DCDC1: variants seen among roughly 807,000 people sequenced by gnomAD.
The protein encoded by DCDC1 is doublecortin domain-containing protein 1.
DCDC1 carries 200 observed loss-of-function variants against 178.3 expected under a neutral mutation model. The observed-to-expected ratio is 1.12, with a 90% CI of 1.00 to 1.26. The LOEUF (loss-of-function observed/expected upper bound fraction) is 1.26. Ranked by LOEUF, DCDC1 falls within the 50% of genes most tolerant of loss-of-function variation. The pLI is 0.00. For missense variants in DCDC1, 1,983 were observed against 1,749.2 expected (o/e 1.13, Z -2.38); for synonymous variants, 690 against 604.8 (o/e 1.14, Z -2.07).
chr11:30,934,971 T>C (rs912029128), intron 21 of DCDC1, among the ~76,000 whole-genome samples: 2 of 152,156 alleles, frequency 1.3e-5, no homozygotes, highest in East Asian at 3.8e-4. Context: ...AAATGGGAGG[T>C]TGAGTTCTTG....
chr11:31,146,385 C>A (rs1482133749), intron 9 of DCDC1, among the ~76,000 whole-genome samples: 1 of 152,084 alleles, frequency 6.6e-6, no homozygotes, highest in Non-Finnish European at 1.5e-5. Context: ...CATGCCCAGC[C>A]CTAGTCATTT....
intron 9 of DCDC1, among the ~76,000 whole-genome samples, chr11:31,209,764 G>A (rs1312276316): frequency 6.6e-6 from 1 of 152,094 alleles, no homozygotes; most frequent in Admixed American, 6.6e-5. Flanking sequence ...CCAACAGAGA[G>A]GAATGCTGGA....
intron 9 of DCDC1, among the ~76,000 whole-genome samples, chr11:31,189,840 T>G (rs1969936516): frequency 6.6e-6 from 1 of 152,212 alleles, no homozygotes; most frequent in African/African-American, 2.4e-5. Flanking sequence ...GACCCTTAAC[T>G]TCATTGCATC....
At chr11:31,211,443 C>T (rs1318812494) in intron 9 of DCDC1, among the ~76,000 whole-genome samples, 6 of 152,178 alleles carry the variant, frequency 3.9e-5, no homozygotes, top group Non-Finnish European at 7.3e-5. Context: ...ATTATTTGCA[C>T]TATCGCCCCA....
chr11:31,354,814 T>C (rs1951248592), intron 1 of DCDC1, among the ~76,000 whole-genome samples: 1 of 152,212 alleles, frequency 6.6e-6, no homozygotes, highest in East Asian at 1.9e-4. Context: ...GTCAGTCTTT[T>C]TACTGATGAC....
intron 28 of DCDC1, 90 bp from the exon 29 acceptor site, chr11:30,909,206 A>G (rs2134163327): frequency 1.8e-6 from 2 of 1,086,842 alleles, no homozygotes; most frequent in East Asian, 5.2e-5. Context: ...GAAAGTGCAG[A>G]TAATTACTCA....
At chr11:30,917,360 A>T (rs1590354495) in intron 25 of DCDC1, among the ~76,000 whole-genome samples, 1 of 152,320 alleles carries the variant, frequency 6.6e-6, no homozygotes, top group East Asian at 1.9e-4. Flanking sequence ...ATGAACATGT[A>T]ATGAGACTCC....
rs938003893 is a variant in DCDC1 at position 31,109,284 on chromosome 11, AT to A, written c.1587+975del. On this transcript the variant is annotated intron_variant, in intron 12 of 38. Coordinates refer to ENST00000684477, the MANE Select transcript of DCDC1 (RefSeq NM_001387274.1). ...AGGCACATGCCACCATGCCAGGCTA[AT>A]TTTTTTTATTTTTTGTAGAGACAGG... Among the ~76,000 whole-genome samples, 9 of 151,728 alleles carry A rather than the reference AT, an allele frequency of 5.9e-5. No individual in the cohort carries two copies. In the South Asian group the frequency reaches 1.7e-3, roughly 28 times the overall value.
At chr11:30,881,056 T>A in intron 37 of DCDC1, 102 bp downstream of exon 37, 3 of 1,320,854 alleles carry the variant, frequency 2.3e-6, no homozygotes, top group Non-Finnish European at 3.1e-6. Context: ...TGGGAGGGGA[T>A]AATTATTAAA....
At chr11:31,212,034 G>T (rs59484750) in intron 9 of DCDC1, among the ~76,000 whole-genome samples, 3,070 of 147,702 alleles carry the variant, frequency 0.021, 91 homozygotes, top group African/African-American at 0.072. Context: ...AGTGAGCCAA[G>T]ATCGCGCCAC....
At chr11:31,028,303 G>A (rs1953383890) in intron 20 of DCDC1, among the ~76,000 whole-genome samples, 1 of 151,602 alleles carries the variant, frequency 6.6e-6, no homozygotes, top group East Asian at 1.9e-4. Context: ...ACTTTTTTTA[G>A]TGGTCCAATT....
intron 34 of DCDC1, among the ~76,000 whole-genome samples, chr11:30,898,952 G>T (rs989945949): frequency 4.6e-5 from 7 of 151,966 alleles, no homozygotes; most frequent in African/African-American, 1.7e-4. Flanking sequence ...AATAGTATAG[G>T]GTCAGAAACC....
chr11:30,870,673 C>T (rs1054936029), intron 38 of DCDC1, among the ~76,000 whole-genome samples: 1 of 152,184 alleles, frequency 6.6e-6, no homozygotes, highest in Non-Finnish European at 1.5e-5. Context: ...TTTAGACAGA[C>T]TTGATTATGT....
chr11:31,077,654 T>A (rs1285907124), intron 18 of DCDC1, among the ~76,000 whole-genome samples: 8 of 151,970 alleles, frequency 5.3e-5, no homozygotes, highest in Admixed American at 5.3e-4. Context: ...TTAGGAAAAA[T>A]TATTTTTGAC....
intron 28 of DCDC1, 61 bp downstream of exon 28, chr11:30,911,266 C>CA: frequency 7.1e-7 from 1 of 1,405,612 alleles, no homozygotes; most frequent in Non-Finnish European, 9.8e-7. Flanking sequence ...CAAGGAAGCA[C>CA]AAAGCTTTAC....
intron 9 of DCDC1, among the ~76,000 whole-genome samples, chr11:31,156,699 T>A (rs1052635512): frequency 2.0e-5 from 3 of 152,204 alleles, no homozygotes; most frequent in South Asian, 2.1e-4. Flanking sequence ...CAGGGACAGG[T>A]CTGTGTCAGT....
intron 10 of DCDC1, among the ~76,000 whole-genome samples, chr11:31,128,088 T>A (rs1450375741): frequency 2.0e-5 from 3 of 152,064 alleles, no homozygotes; most frequent in Non-Finnish European, 4.4e-5. Flanking sequence ...AAATTTTCAA[T>A]ATATATATTA....
intron 1 of DCDC1, among the ~76,000 whole-genome samples, chr11:31,366,390 T>C (rs1951958712): frequency 6.6e-6 from 1 of 152,224 alleles, no homozygotes; most frequent in African/African-American, 2.4e-5. Flanking sequence ...TGGAGAGGTG[T>C]TCTTGCTCTC....
At position 31,215,778 on chromosome 11, in the gene DCDC1, C is replaced by T. The variant is rs565908379; in HGVS notation, c.1221+25672G>A. The stretch of plus-strand genomic sequence containing the variant: ...ACTGCACTCCAGCCTGGTGACAGAG[C>T]AAGACTCCATCTAAAAAAAAAAAAA... On this transcript the variant is annotated intron_variant, in intron 9 of 38. Coordinates refer to ENST00000684477, the MANE Select transcript of DCDC1 (RefSeq NM_001387274.1). Among the ~76,000 whole-genome samples the T allele has an allele frequency of 5.2e-3, 741 of 142,830 alleles. 13 individuals carry two copies. The highest frequency in any genetic ancestry group is 9.6e-3 in the Middle Eastern group (2 of 208). 93.7% of individuals were successfully genotyped at this position (142,830 alleles called of 152,430 possible).
Sources: allele counts gnomAD v4.1 joint callset (sites outside exome capture counted in the v4.1 genomes callset), GRCh38; gene constraint gnomAD v4.1.1; transcripts MANE v1.5; gene names NCBI Gene and HGNC (gene_info 2026-07-23, HGNC 2026-07-21).